Variants in TMEM230 observed in about 807,000 individuals in gnomAD.
TMEM230 encodes UPF0414 transmembrane protein C20orf30.
TMEM230 carries 10 observed loss-of-function variants against 15.8 expected under a neutral mutation model. The ratio of observed to expected loss-of-function variants is 0.63; its 90% CI spans 0.39 to 1.07. TMEM230 has a LOEUF of 1.07. TMEM230 is among the 50% of genes least tolerant of loss of function. TMEM230 has a pLI of 0.01. For missense variants in TMEM230, 165 were observed against 193.3 expected, an observed-to-expected ratio of 0.85 and a Z score of 0.87; for synonymous variants, 67 against 76.9, an observed-to-expected ratio of 0.87 and a Z score of 0.68.
the TMEM230 span, among the ~76,000 whole-genome samples, chr20:5,062,429 CA>C: frequency 6.6e-6 from 1 of 151,298 alleles, no homozygotes; most frequent in African/African-American, 2.4e-5. Flanking sequence ...CCTGGATGCC[CA>C]TGGTAAAGAA....
chr20:5,106,777 C>G lies in TMEM230; in HGVS notation c.289-467G>C, dbSNP rs45616135. On this transcript the variant is annotated intron_variant, in intron 3 of 4. Coordinates refer to ENST00000342308, the MANE Select transcript of TMEM230 (RefSeq NM_001009923.2). ...CTGGAGTGCAGTGGTGCAATTACAGCTCATTGCAGCCTCGAACTCCTGGGC... is the reference window on the plus strand; with the variant it reads ...CTGGAGTGCAGTGGTGCAATTACAGGTCATTGCAGCCTCGAACTCCTGGGC... Among the ~76,000 whole-genome samples, 704 of 152,306 alleles carry G rather than the reference C, an allele frequency of 4.6e-3. 7 individuals carry two copies. Among genetic ancestry groups the G allele is most frequent in the South Asian group, 0.018 (86 of 4,828 alleles).
At chr20:5,059,376 G>A in the TMEM230 span, among the ~76,000 whole-genome samples, 1,804 of 152,030 alleles carry the variant, frequency 0.012, 46 homozygotes, top group African/African-American at 0.041. Flanking sequence ...TTATATACAT[G>A]AGTCTGTTGT....
At chr20:5,069,187 C>T (rs1314809333) in exon 4 of TMEM230, 1 of 1,523,940 alleles carries the variant, frequency 6.6e-7, no homozygotes, top group South Asian at 1.2e-5. Context: ...AGGCACCAAC[C>T]TCAGTCAGGT....
At chr20:5,106,074 GACAAACACACACACACACACACAC>G (rs2090069715) in intron 4 of TMEM230, 90 bp downstream of exon 3, 14 of 1,170,828 alleles carry the variant, frequency 1.2e-5, no homozygotes, top group African/African-American at 5.0e-5. Context: ...CACTGGGACG[GACAAACACACACACACACACACAC>G]ACACACACAC....
At chr20:5,067,794 C>G (rs549963066), downstream of TMEM230, among the ~76,000 whole-genome samples, 1 of 148,588 alleles carries the variant, frequency 6.7e-6, no homozygotes, top group South Asian at 2.1e-4. Flanking sequence ...GAGTCTCACT[C>G]TGTTGCCCAG....
At chr20:5,070,144 C>T (rs2088775695) in intron 3 of TMEM230, among the ~76,000 whole-genome samples, 1 of 152,144 alleles carries the variant, frequency 6.6e-6, no homozygotes, top group Non-Finnish European at 1.5e-5. Context: ...TCTCGAGACA[C>T]TCCTTCTCAG....
At chr20:5,085,520 C>T (rs1407533179) in intron 3 of TMEM230, among the ~76,000 whole-genome samples, 1 of 152,150 alleles carries the variant, frequency 6.6e-6, no homozygotes, top group East Asian at 1.9e-4. Flanking sequence ...AACTTCTCAC[C>T]TCAAGTGACC....
chr20:5,109,148 T>G, intron 3 of TMEM230, 184 bp downstream of exon 2: 1 of 520,864 alleles, frequency 1.9e-6, no homozygotes, highest in Non-Finnish European at 3.4e-6. Flanking sequence ...TGGAATTGGT[T>G]TGAAACTACC....
intron 3 of TMEM230, among the ~76,000 whole-genome samples, chr20:5,073,041 G>A (rs1311823231): frequency 6.6e-6 from 1 of 152,006 alleles, no homozygotes. Context: ...AATGAAGGAG[G>A]CAGGTCAGGG....
At chr20:5,063,759 T>C (rs1195299455), downstream of TMEM230, among the ~76,000 whole-genome samples, 8 of 152,028 alleles carry the variant, frequency 5.3e-5, no homozygotes, top group Admixed American at 5.3e-4. Flanking sequence ...CTGACCATGA[T>C]GAAATAGAAT....
intron 3 of TMEM230, chr20:5,069,442 A>G: frequency 7.5e-7 from 1 of 1,332,046 alleles, no homozygotes; most frequent in South Asian, 1.5e-5. Context: ...CATCTTATGC[A>G]TTTTGGTGCT....
At chr20:5,061,695 C>G in the TMEM230 span, among the ~76,000 whole-genome samples, 1 of 152,106 alleles carries the variant, frequency 6.6e-6, no homozygotes, top group Non-Finnish European at 1.5e-5. Flanking sequence ...AGCTGAAACA[C>G]TGGATTGGGG....
chr20:5,100,969 G>A, intron 4 of TMEM230, 38 bp from the exon 4 acceptor site: 1 of 1,608,434 alleles, frequency 6.2e-7, no homozygotes, highest in East Asian at 2.2e-5. Flanking sequence ...AGTACCGTAA[G>A]AGTTACACAT....
chr20:5,090,772 G>C (rs1176067681), intron 3 of TMEM230, among the ~76,000 whole-genome samples: 1 of 152,122 alleles, frequency 6.6e-6, no homozygotes, highest in Non-Finnish European at 1.5e-5. Context: ...TGGAGGGACT[G>C]AAAGCACGTG....
chr20:5,102,573 C>T (rs779515978), intron 4 of TMEM230, among the ~76,000 whole-genome samples: 5 of 151,678 alleles, frequency 3.3e-5, no homozygotes, highest in Admixed American at 6.6e-5. Flanking sequence ...TGCCTGTGGT[C>T]CCAGTTGCTA....
chr20:5,069,014 CT>C (rs1473305138), exon 4 of TMEM230: 1 of 614,362 alleles, frequency 1.6e-6, no homozygotes, highest in Non-Finnish European at 2.8e-6. Context: ...GCTGGAATTC[CT>C]TTGGCCTGCT....
downstream of TMEM230, chr20:5,099,747 G>C (rs1372724275): frequency 3.0e-6 from 2 of 669,814 alleles, no homozygotes; most frequent in Admixed American, 6.3e-5. Context: ...CTCAGAGTTA[G>C]GGAAAGTTGA....
chr20:5,100,867 T>C lies in TMEM230; in HGVS notation c.476A>G (p.His159Arg). The C allele has an allele frequency of 6.2e-7, 1 of 1,614,118 alleles. No individual in the cohort carries two copies. Residue 159 changes from histidine to arginine, a missense_variant, in exon 5 of 5, where the codon CAC (histidine) becomes CGC (arginine). Coordinates refer to ENST00000342308, the MANE Select transcript of TMEM230 (RefSeq NM_001009923.2). ...GGATGCATAGTAAGCGATGCGCAGG[T>C]GGTAAAATCCGGGTAGGAACACCAG...
intron 4 of TMEM230, among the ~76,000 whole-genome samples, chr20:5,102,691 A>G (rs1443052332): frequency 9.6e-6 from 1 of 104,246 alleles, no homozygotes; most frequent in African/African-American, 6.0e-5. Context: ...CCTGTCTCAA[A>G]AAAAAAAAAA....
Sources: allele counts gnomAD v4.1 joint callset (sites outside exome capture counted in the v4.1 genomes callset), GRCh38; gene constraint gnomAD v4.1.1; transcripts MANE v1.5; gene names NCBI Gene and HGNC (gene_info 2026-07-23, HGNC 2026-07-21).